Variants in ALS2 observed in about 807,000 individuals in gnomAD.
ALS2 encodes the protein alsin Rho guanine nucleotide exchange factor ALS2, also known as alsin.
A neutral mutation model predicts 203.4 loss-of-function variants in ALS2; 117 were observed. The observed-to-expected ratio is 0.58, with a 90% CI of 0.50 to 0.67. The LOEUF (loss-of-function observed/expected upper bound fraction) is 0.67. Ranked by LOEUF, ALS2 falls within the 30% of genes least tolerant of loss-of-function variation. ALS2 has a pLI of 0.00. For synonymous variants in ALS2, 718 were observed against 725.9 expected, an observed-to-expected ratio of 0.99 and a Z score of 0.17; for missense variants, 1,715 against 1,989.4, an observed-to-expected ratio of 0.86 and a Z score of 2.62.
At chr2:201,767,468 T>G (rs1437263170) in intron 2 of ALS2, 85 bp from the exon 3 acceptor site, 7 of 1,473,646 alleles carry the variant, frequency 4.8e-6, no homozygotes, top group Non-Finnish European at 6.5e-6. Context: ...GATTGTACCT[T>G]TTACCAGCAC....
rs2106006781 is a variant in ALS2, at chr2:201,726,793, C to T, written c.3053G>A (p.Gly1018Glu). ...CTGTCTCTGAACACTGCTACCACTT[C>T]CATAAGGGGGGAGATCAGACATCCC... The part of the protein sequence containing the change: ...LRGMSDLPPY[G>E]SGSSVQRQEP... The change falls in exon 18 of 34, where the codon GGA (glycine) becomes GAA (glutamate). Residue 1018 changes from glycine to glutamate, a missense_variant. By Grantham distance (98) the Gly-to-Glu change is moderately conservative. Around this residue, in one of 3 missense-constraint regions of ALS2, gnomAD observed 1,227 missense variants for 1,413.5 expected, o/e 0.87. Transcript: ENST00000264276. The T allele has an allele frequency of 1.9e-6, 3 of 1,614,118 alleles. No individual in the cohort carries two copies. Among genetic ancestry groups the T allele is most frequent in the Non-Finnish European group, 2.5e-6 (3 of 1,180,010 alleles).
chr2:201,706,535 T>TTATATATATATATATATATATATA (rs34345642), intron 29 of ALS2, among the ~76,000 whole-genome samples: 16 of 143,838 alleles, frequency 1.1e-4, no homozygotes, highest in African/African-American at 4.1e-4. Context: ...AGCTCACACT[T>TTATATATATATATATATATATATA]TATATATATA....
chr2:201,772,850 A>ATTTTTTTTTTTTTTTTTTTTTTT (rs578253808), intron 1 of ALS2, among the ~76,000 whole-genome samples: 1 of 108,826 alleles, frequency 9.2e-6, no homozygotes, highest in Non-Finnish European at 1.7e-5. Context: ...TGCTTTCATG[A>ATTTTTTTTTTTTTTTTTTTTTTT]TTTTTTTTTT....
intron 31 of ALS2, 28 bp downstream of exon 31, chr2:201,705,111 T>C (rs778145213): frequency 4.2e-5 from 68 of 1,605,926 alleles, no homozygotes; most frequent in South Asian, 7.7e-5. Flanking sequence ...CTTTGATTTG[T>C]ATGGCTTTTC....
At chr2:201,773,152 G>A (rs1329007262) in intron 1 of ALS2, among the ~76,000 whole-genome samples, 4 of 152,106 alleles carry the variant, frequency 2.6e-5, no homozygotes, top group Admixed American at 2.0e-4. Context: ...GAGCCAATGC[G>A]AAGGGCCAAT....
chr2:201,711,191 C>T (rs1690009587), intron 25 of ALS2, 83 bp from the exon 26 acceptor site: 14 of 854,932 alleles, frequency 1.6e-5, no homozygotes, highest in Non-Finnish European at 2.6e-5. Context: ...AACACAATCA[C>T]TAGCTCCAGT....
chr2:201,737,301 T>A (rs1356204767), intron 12 of ALS2, among the ~76,000 whole-genome samples: 3 of 152,194 alleles, frequency 2.0e-5, no homozygotes, highest in Non-Finnish European at 4.4e-5. Context: ...GACTTGAACA[T>A]CCTTGAATTT....
chr2:201,744,821 T>C (rs896059615), intron 9 of ALS2, among the ~76,000 whole-genome samples: 14 of 152,202 alleles, frequency 9.2e-5, no homozygotes, highest in African/African-American at 3.4e-4. Flanking sequence ...TAGGGATACA[T>C]GTCTCAGGAC....
chr2:201,718,016 A>G, intron 24 of ALS2, 61 bp downstream of exon 24: 2 of 1,557,336 alleles, frequency 1.3e-6, no homozygotes, highest in Admixed American at 3.4e-5. Context: ...ACCAGCTTTG[A>G]TAAAAGCAAG....
rs1396128354 is a variant in ALS2, at chr2:201,761,064, A to C, written c.930T>G (p.Ala310=). 1 of 1,614,158 alleles carries C rather than the reference A, an allele frequency of 6.2e-7. No homozygotes were observed. Among genetic ancestry groups the C allele is most frequent in the Admixed American group, 1.7e-5 (1 of 60,010 alleles). The change falls in exon 4 of 34, where the codon GCT becomes GCG. Residue 310 remains alanine (A), a synonymous_variant. Coordinates refer to ENST00000264276, the MANE Select transcript of ALS2 (RefSeq NM_020919.4). ...SVATELNAVS[A]QITSSDAMSS... is the part of the protein sequence containing the mutation. ...ACATGGCATCGCTGCTTGTGATCTG[A>C]GCACTTACTGCATTCAGTTCAGTAG...
rs1359989080 is a variant in ALS2, at chr2:201,746,560, G to C, written c.1998+6C>G. On this transcript the variant is annotated splice_donor_region_variant and intron_variant, in intron 9 of 33. Transcript: ENST00000264276. ...ATGTGGGCCTTAGGATCCAATTCCT[G>C]TTCACCTTACTACAGGAGAGAAGTA... The C allele has an allele frequency of 1.7e-5, 28 of 1,613,980 alleles. No homozygotes were observed. The highest frequency in any genetic ancestry group is 1.9e-5 in the Non-Finnish European group (23 of 1,179,984).
rs767365297 is a variant in ALS2, at chr2:201,760,596, T to C, written c.1113+285A>G. The C allele has an allele frequency of 1.7e-5, 20 of 1,210,502 alleles. 1 individual carries two copies. The highest frequency in any genetic ancestry group is 1.6e-4 in the African/African-American group (10 of 64,174). 75.0% of individuals were successfully genotyped at this position (1,210,502 alleles called of 1,614,324 possible). ...CCACCAAAATTCAGTACTTTAGCCATAGAAAAAAAGTACTAGCAAGAAAAA... is the reference window on the plus strand; with the variant it reads ...CCACCAAAATTCAGTACTTTAGCCACAGAAAAAAAGTACTAGCAAGAAAAA... On this transcript the variant is annotated intron_variant, in intron 4 of 33. Coordinates refer to ENST00000264276, the MANE Select transcript of ALS2 (RefSeq NM_020919.4).
At chr2:201,754,766 C>A in intron 5 of ALS2, 95 bp from the exon 6 acceptor site, 1 of 1,334,194 alleles carries the variant, frequency 7.5e-7, no homozygotes, top group Admixed American at 1.9e-5. Flanking sequence ...AAAACATACG[C>A]CACCAATGGT....
In ALS2 at chr2:201,750,190, AAAG is replaced by A. The variant is rs140246828; in HGVS notation, c.1738-404_1738-402del. 0.019 allele frequency among the ~76,000 whole-genome samples: 2,836 copies of A among 151,946 alleles called. 144 individuals carry two copies. In the East Asian group the frequency reaches 0.21, roughly 11 times the overall value. ...TCCCAAAAAAAAAAAAAAGAAAAGA[AAAG>A]AAGAAGGCAGAATTGAGGAGTCAAC... is the stretch of plus-strand genomic sequence containing the variant. On this transcript the variant is annotated intron_variant, in intron 7 of 33. Transcript: ENST00000264276.
chr2:201,735,588 T>C (rs1691826019), intron 12 of ALS2, among the ~76,000 whole-genome samples: 1 of 152,250 alleles, frequency 6.6e-6, no homozygotes, highest in African/African-American at 2.4e-5. Flanking sequence ...TTTTAAATAT[T>C]GACTTTGTAA....
In ALS2 at chr2:201,760,485, T is replaced by C. The variant is rs981505527; in HGVS notation, c.1113+396A>G. 37 of 1,002,464 alleles carry C rather than the reference T, an allele frequency of 3.7e-5. No individual in the cohort carries two copies. In the African/African-American group the frequency reaches 5.9e-4, roughly 16 times the overall value. 62.1% of individuals were successfully genotyped at this position (1,002,464 alleles called of 1,614,324 possible). On this transcript the variant is annotated intron_variant, in intron 4 of 33. Coordinates refer to ENST00000264276, the MANE Select transcript of ALS2 (RefSeq NM_020919.4). Reference sequence around the variant, plus strand: ...CTTCCCTGTTAAAGAAGGAAAAGACTTTTCTCTACAGAATTCTGAAGAGTG... The same window carrying C: ...CTTCCCTGTTAAAGAAGGAAAAGACCTTTCTCTACAGAATTCTGAAGAGTG...
chr2:201,744,885 T>C (rs1236337142), intron 9 of ALS2, among the ~76,000 whole-genome samples: 1 of 152,220 alleles, frequency 6.6e-6, no homozygotes, highest in East Asian at 1.9e-4. Context: ...CTATGCTATA[T>C]ATTAAAATAT....
intron 8 of ALS2, among the ~76,000 whole-genome samples, chr2:201,748,346 T>A (rs1353169589): frequency 6.6e-6 from 1 of 152,096 alleles, no homozygotes; most frequent in Non-Finnish European, 1.5e-5. Flanking sequence ...GCAAAAGGAG[T>A]CTTCTTCCTA....
intron 12 of ALS2, among the ~76,000 whole-genome samples, chr2:201,737,994 T>C (rs914177890): frequency 6.6e-6 from 1 of 152,012 alleles, no homozygotes; most frequent in Non-Finnish European, 1.5e-5. Flanking sequence ...ATTTAAAGTA[T>C]TTTCTATTAA....
Sources: gnomAD v4.1 joint callset for allele counts (sites outside exome capture counted in the v4.1 genomes callset) on GRCh38, gnomAD v4.1.1 for gene constraint, gnomAD v4.1.1 regional missense constraint, MANE v1.5 for transcripts, NCBI Gene and HGNC (gene_info 2026-07-23, HGNC 2026-07-21) for gene names.